Variants in SORCS2 observed in about 807,000 individuals in gnomAD.
SORCS2 encodes the protein sortilin related VPS10 domain containing receptor 2, also known as VPS10 domain-containing receptor SorCS2.
SORCS2 carries 100 observed loss-of-function variants against 141.6 expected under a neutral mutation model. That is an observed-to-expected ratio of 0.71 (90% CI 0.60 to 0.83). The LOEUF (loss-of-function observed/expected upper bound fraction) is 0.83, where lower values mean the gene tolerates loss of function less well. SORCS2 is among the 40% of genes least tolerant of loss of function. SORCS2 has a pLI of 0.00. For synonymous variants in SORCS2, 789 were observed against 676.9 expected (o/e 1.17, Z -2.57); for missense variants, 1,646 against 1,560.2 (o/e 1.05, Z -0.93).
chr4:7,440,079 C>T (rs1359581916), intron 2 of SORCS2, among the ~76,000 whole-genome samples: 1 of 152,252 alleles, frequency 6.6e-6, no homozygotes, highest in Non-Finnish European at 1.5e-5. Context: ...CACACTTTAA[C>T]AAATGCTACC....
intron 3 of SORCS2, among the ~76,000 whole-genome samples, chr4:7,609,455 C>T (rs891533266): frequency 2.0e-5 from 3 of 152,210 alleles, no homozygotes; most frequent in Admixed American, 1.3e-4. Context: ...CCATCCTCAG[C>T]CCTCGTCAAC....
intron 1 of SORCS2, among the ~76,000 whole-genome samples, chr4:7,316,611 A>G (rs1048269711): frequency 3.3e-5 from 5 of 152,242 alleles, no homozygotes; most frequent in Non-Finnish European, 7.3e-5. Context: ...GTGATAACGA[A>G]TTTAAAGTGC....
At chr4:7,517,209 G>A (rs553332310) in intron 2 of SORCS2, among the ~76,000 whole-genome samples, 1 of 152,306 alleles carries the variant, frequency 6.6e-6, no homozygotes, top group Admixed American at 6.5e-5. Flanking sequence ...GCTAGTCAGT[G>A]TTGCCGTTGA....
chr4:7,730,068 C>A (rs1264703244), intron 23 of SORCS2, among the ~76,000 whole-genome samples: 4 of 152,194 alleles, frequency 2.6e-5, no homozygotes, highest in Admixed American at 6.5e-5. Context: ...GGGAGACACC[C>A]AAGGGTGTGG....
intron 7 of SORCS2, among the ~76,000 whole-genome samples, chr4:7,666,495 T>C (rs1722513663): frequency 6.6e-6 from 1 of 152,296 alleles, no homozygotes; most frequent in Admixed American, 6.5e-5. Flanking sequence ...TCTGGGAGCC[T>C]GTGCTGGGAT....
intron 3 of SORCS2, among the ~76,000 whole-genome samples, chr4:7,630,201 C>T (rs1719794785): frequency 6.6e-6 from 1 of 152,126 alleles, no homozygotes; most frequent in African/African-American, 2.4e-5. Flanking sequence ...CCCAGGACTG[C>T]TTGAGCTCAG....
intron 2 of SORCS2, among the ~76,000 whole-genome samples, chr4:7,525,046 C>T (rs1002381817): frequency 6.6e-6 from 1 of 152,214 alleles, no homozygotes; most frequent in African/African-American, 2.4e-5. Context: ...AGGCAAAGGC[C>T]GGGCACGCCC....
chr4:7,240,349 C>G (rs138297096), intron 1 of SORCS2, among the ~76,000 whole-genome samples: 8 of 152,338 alleles, frequency 5.3e-5, no homozygotes, highest in African/African-American at 1.7e-4. Flanking sequence ...GTTTCACCAG[C>G]AAATTACCTC....
At chr4:7,428,502 C>A (rs1012077203) in intron 2 of SORCS2, among the ~76,000 whole-genome samples, 3 of 152,074 alleles carry the variant, frequency 2.0e-5, no homozygotes, top group East Asian at 3.9e-4. Context: ...AGTTATGGGG[C>A]CGAGGGCAGT....
chr4:7,277,645 G>A (rs750145286), intron 1 of SORCS2, among the ~76,000 whole-genome samples: 4 of 136,054 alleles, frequency 2.9e-5, no homozygotes, highest in South Asian at 2.1e-4. Context: ...GCCTGTGCTC[G>A]GAACACCACT....
At chr4:7,459,256 A>T (rs571423793) in intron 2 of SORCS2, among the ~76,000 whole-genome samples, 1 of 152,144 alleles carries the variant, frequency 6.6e-6, no homozygotes, top group East Asian at 1.9e-4. Flanking sequence ...TCAACTATAG[A>T]AGAGGGAGGA....
chr4:7,558,770 C>T (rs1044687831), intron 3 of SORCS2, among the ~76,000 whole-genome samples: 1 of 152,280 alleles, frequency 6.6e-6, no homozygotes, highest in African/African-American at 2.4e-5. Context: ...CTCATACACC[C>T]CCTCAGGTTC....
intron 3 of SORCS2, among the ~76,000 whole-genome samples, chr4:7,605,153 C>T (rs892017400): frequency 6.6e-6 from 1 of 152,174 alleles, no homozygotes; most frequent in African/African-American, 2.4e-5. Context: ...GCCTGGCTTC[C>T]ACTTCCAACA....
intron 12 of SORCS2, among the ~76,000 whole-genome samples, chr4:7,697,820 T>A (rs1724808962): frequency 6.6e-6 from 1 of 152,024 alleles, no homozygotes; most frequent in South Asian, 2.1e-4. Context: ...CTGGGGGCTA[T>A]CCCAGGGCCC....
chr4:7,204,745 T>C (rs1286815226), intron 1 of SORCS2, among the ~76,000 whole-genome samples: 1 of 152,220 alleles, frequency 6.6e-6, no homozygotes, highest in Non-Finnish European at 1.5e-5. Context: ...TCATAACCTC[T>C]GAATTCTGCC....
chr4:7,520,947 G>A (rs1165785477), intron 2 of SORCS2, among the ~76,000 whole-genome samples: 1 of 152,276 alleles, frequency 6.6e-6, no homozygotes, highest in Non-Finnish European at 1.5e-5. Flanking sequence ...GGGCATTGGT[G>A]CACGGATCAG....
intron 2 of SORCS2, among the ~76,000 whole-genome samples, chr4:7,411,705 G>T (rs1032717624): frequency 1.3e-5 from 2 of 152,174 alleles, no homozygotes; most frequent in African/African-American, 4.8e-5. Flanking sequence ...AAGACTCAGA[G>T]TTTAGTAGGG....
At chr4:7,245,171 C>T (rs1712999196) in intron 1 of SORCS2, among the ~76,000 whole-genome samples, 1 of 152,202 alleles carries the variant, frequency 6.6e-6, no homozygotes, top group Admixed American at 6.5e-5. Flanking sequence ...AGCCTGGATG[C>T]AGGTCCCTTC....
intron 3 of SORCS2, among the ~76,000 whole-genome samples, chr4:7,573,156 C>T (rs200777149): frequency 7.9e-5 from 12 of 152,188 alleles, no homozygotes; most frequent in East Asian, 7.7e-4. Flanking sequence ...AAGAAAAATG[C>T]GCAATCCACC....
Sources: gnomAD v4.1 joint callset for allele counts (sites outside exome capture counted in the v4.1 genomes callset) on GRCh38, gnomAD v4.1.1 for gene constraint, MANE v1.5 for transcripts, NCBI Gene and HGNC (gene_info 2026-07-23, HGNC 2026-07-21) for gene names.